PRC1: variants seen among roughly 807,000 people sequenced by gnomAD.
PRC1 encodes anaphase spindle elongation 1 homolog.
PRC1 carries 54 observed loss-of-function variants against 91.2 expected under a neutral mutation model. The observed-to-expected ratio is 0.59, with a 90% confidence interval of 0.48 to 0.74. The LOEUF is 0.74. Ranked by LOEUF, PRC1 falls within the 30% of genes least tolerant of loss-of-function variation. The pLI is 0.00. For missense variants in PRC1, 727 were observed against 746.2 expected (o/e 0.97, Z 0.30); for synonymous variants, 275 against 263.6 (o/e 1.04, Z -0.42).
chr15:90,980,726 G>A (rs921803293), intron 6 of PRC1, among the ~76,000 whole-genome samples, 158 bp downstream of exon 6: 2 of 151,840 alleles, frequency 1.3e-5, no homozygotes, highest in African/African-American at 2.4e-5. Context: ...GGCTGGTCTC[G>A]AACTCCTGAC....
In PRC1 at chr15:90,974,783, C is replaced by A; in HGVS notation, c.1204-52G>T. The A allele has an allele frequency of 6.3e-7, 1 of 1,598,874 alleles. No homozygotes were observed. The highest frequency in any genetic ancestry group is 8.6e-7 in the Non-Finnish European group (1 of 1,167,500). On this transcript the variant is annotated intron_variant, in intron 9 of 14. Transcript: ENST00000394249. The surrounding 1 kb of genome is among the most constrained non-coding windows in gnomAD (Gnocchi z 4.6). Reference sequence around the variant, plus strand: ...ATTACTTCAACTCTTTAGTGCAAAGCCCAAATGAAATGATTTCCCTAGAGA... The same window carrying A: ...ATTACTTCAACTCTTTAGTGCAAAGACCAAATGAAATGATTTCCCTAGAGA...
At position 90,982,183 on chromosome 15, in the gene PRC1, T is replaced by TC. The variant is rs1252831796; in HGVS notation, c.268-203_268-202insG. ...AAAGTGAGTAAGTACCAGGGTACTT[T>TC]TCCCCCCAATTTTAAAACTTGTGGT... On this transcript the variant is annotated intron_variant, in intron 3 of 14. Transcript: ENST00000394249. 77 of 591,314 alleles carry TC rather than the reference T, an allele frequency of 1.3e-4. No homozygotes were observed. The African/African-American group carries it at 1.4e-3, about 11-fold the overall frequency. The allele number at this position is 591,314 out of a possible 1,614,324, so 36.6% of individuals were successfully genotyped here. A position where few individuals can be genotyped will look rare whatever the true frequency, so the allele number is the denominator to read the frequency against.
chr15:90,974,345 C>T lies in PRC1; in HGVS notation c.1351-99G>A. The T allele has an allele frequency of 8.5e-7, 1 of 1,177,338 alleles. No individual in the cohort carries two copies. The highest frequency in any genetic ancestry group is 1.2e-6 in the Non-Finnish European group (1 of 809,824). The allele number at this position is 1,177,338 out of a possible 1,614,324, so 72.9% of individuals were successfully genotyped here. ...CCGGGAATCTAGGCCCGTGTCTCTA[C>T]AGCCAGAGCTAAAGAGCTGCCGCGG... On this transcript the variant is annotated intron_variant, in intron 10 of 14. Coordinates refer to ENST00000394249, the MANE Select transcript of PRC1 (RefSeq NM_003981.4). The surrounding 1 kb of genome is among the most constrained non-coding windows in gnomAD (Gnocchi z 4.6).
Position 90,984,654 on chromosome 15 carries a change from A to C in PRC1, c.144+39T>G. ...TCTCGGGTGAGACACCAACATCCTTACCCTGGTCCAATGCAGAGACCAGTA... is the reference window on the plus strand; with the variant it reads ...TCTCGGGTGAGACACCAACATCCTTCCCCTGGTCCAATGCAGAGACCAGTA... On this transcript the variant is annotated intron_variant, in intron 2 of 14. Transcript: ENST00000394249. The surrounding 1 kb of genome is among the most constrained non-coding windows in gnomAD (Gnocchi z 5.1). 6.2e-7 allele frequency: 1 copy of C among 1,611,500 alleles called. No individual in the cohort carries two copies. The highest frequency in any genetic ancestry group is 8.5e-7 in the Non-Finnish European group (1 of 1,178,416).
At chr15:90,975,999 G>A (rs1473085838) in intron 9 of PRC1, among the ~76,000 whole-genome samples, 2 of 152,082 alleles carry the variant, frequency 1.3e-5, no homozygotes, top group East Asian at 1.9e-4. Context: ...CTCTGCCAAC[G>A]ACATGTTGAT....
At position 90,966,765 on chromosome 15, in the gene PRC1, C is replaced by T. The variant is rs1336218224; in HGVS notation, c.*366G>A. On this transcript the variant is annotated 3_prime_UTR_variant, in exon 15 of 15. Coordinates refer to ENST00000394249, the MANE Select transcript of PRC1 (RefSeq NM_003981.4). ...AATTACTAGTTACAGGTATACATGCCAAAATTACCCCCAGGGATGGGCATA... is the reference window on the plus strand; with the variant it reads ...AATTACTAGTTACAGGTATACATGCTAAAATTACCCCCAGGGATGGGCATA... The T allele has an allele frequency of 2.3e-6, 1 of 427,622 alleles. No homozygotes were observed. Among genetic ancestry groups the T allele is most frequent in the South Asian group, 1.8e-5 (1 of 55,122 alleles). 26.5% of individuals were successfully genotyped at this position (427,622 alleles called of 1,614,324 possible). A position where few individuals can be genotyped will look rare whatever the true frequency, so the allele number is the denominator to read the frequency against.
At chr15:90,969,386 C>A (rs2037848770) in intron 13 of PRC1, 61 bp downstream of exon 13, 1 of 1,524,342 alleles carries the variant, frequency 6.6e-7, no homozygotes, top group Non-Finnish European at 8.9e-7. Context: ...TGGGAAGATA[C>A]CCACTCTGCC....
chr15:90,982,234 C>T, intron 3 of PRC1: 2 of 543,794 alleles, frequency 3.7e-6, no homozygotes, highest in Non-Finnish European at 6.5e-6. Flanking sequence ...TAAAATTTAC[C>T]ATCTTAACCA....
At chr15:90,988,375 C>T (rs1467407817) in intron 1 of PRC1, 1 of 152,202 alleles carries the variant, frequency 6.6e-6, no homozygotes, top group Non-Finnish European at 1.5e-5. Context: ...CTACCCCTGC[C>T]CAGCCAATCT....
chr15:90,980,597 C>A (rs2039115069), intron 6 of PRC1: 1 of 684,586 alleles, frequency 1.5e-6, no homozygotes, highest in Non-Finnish European at 2.3e-6. Flanking sequence ...TGGCTCACTG[C>A]AACCCTCCAC....
chr15:90,978,778 A>AAAAAAAAT (rs2038950397), intron 8 of PRC1, among the ~76,000 whole-genome samples: 4 of 149,382 alleles, frequency 2.7e-5, no homozygotes, highest in African/African-American at 9.8e-5. Flanking sequence ...AAAAAAAAAA[A>AAAAAAAAT]GTGCCATCAG....
At chr15:90,976,850 G>T in intron 8 of PRC1, 79 bp from the exon 9 acceptor site, 1 of 1,245,674 alleles carries the variant, frequency 8.0e-7, no homozygotes, top group Non-Finnish European at 1.2e-6. Context: ...CTTTGTTCTC[G>T]CCAGGCGTGG....
At position 90,966,445 on chromosome 15, in the gene PRC1, G is replaced by A. The variant is rs1315407570; in HGVS notation, c.*686C>T. On this transcript the variant is annotated 3_prime_UTR_variant, in exon 15 of 15. Coordinates refer to ENST00000394249, the MANE Select transcript of PRC1 (RefSeq NM_003981.4). ...AAGTAGGCACAGGAATGGGGGAGAT[G>A]AGAGCCAAGGGACAAACGCCGAGAA... The A allele has an allele frequency of 5.2e-6, 2 of 381,554 alleles. No individual in the cohort carries two copies. The highest frequency in any genetic ancestry group is 1.1e-5 in the Non-Finnish European group (2 of 185,896). 23.6% of individuals were successfully genotyped at this position (381,554 alleles called of 1,614,324 possible).
intron 14 of PRC1, chr15:90,968,423 G>T (rs1386448015): frequency 4.1e-6 from 4 of 985,410 alleles, no homozygotes; most frequent in Non-Finnish European, 4.8e-6. Context: ...CCCCTCAAGG[G>T]TGAGGAACAT....
At chr15:90,988,644 C>T (rs2039752435) in intron 1 of PRC1, 1 of 152,274 alleles carries the variant, frequency 6.6e-6, no homozygotes, top group Admixed American at 6.5e-5. Flanking sequence ...TGCCACCGCG[C>T]TTTGTACATT....
At chr15:90,980,095 C>T (rs2039058799) in intron 7 of PRC1, 147 bp downstream of exon 7, 3 of 898,080 alleles carry the variant, frequency 3.3e-6, no homozygotes, top group Non-Finnish European at 4.7e-6. Flanking sequence ...ACATGAAGAC[C>T]CCACTTTTGG....
Position 90,969,115 on chromosome 15 carries a change from A to C in PRC1, c.1755T>G (p.Asp585Glu). ...CAGTGGAACTGTCAGAGAGGGACGG[A>C]TCCTTCTAAGAACAAAGAATTAAGA... is the stretch of plus-strand genomic sequence containing the variant. ...VASTYSEFAK[D>E]PSLSDSSTVG... is the part of the protein sequence containing the mutation. The change falls in exon 14 of 15, where the codon GAT becomes GAG. Residue 585 changes from aspartate to glutamate, a missense_variant. By Grantham distance (45) the Asp-to-Glu change is conservative. Transcript: ENST00000394249. The C allele has an allele frequency of 1.2e-6, 2 of 1,613,294 alleles. No homozygotes were observed. Among genetic ancestry groups the C allele is most frequent in the Non-Finnish European group, 8.5e-7 (1 of 1,179,236 alleles).
intron 14 of PRC1, chr15:90,967,783 A>G (rs1049547891): frequency 1.1e-5 from 10 of 942,532 alleles, no homozygotes; most frequent in South Asian, 4.9e-5. Context: ...TATGTGCACA[A>G]TGAAATTGCC....
intron 11 of PRC1, among the ~76,000 whole-genome samples, chr15:90,973,347 C>T (rs540970650): frequency 5.5e-4 from 84 of 152,344 alleles, no homozygotes; most frequent in Admixed American, 1.6e-3. Flanking sequence ...CGGTAAAAGT[C>T]ATCTGCATTC....
Sources: gnomAD v4.1 joint callset for allele counts (sites outside exome capture counted in the v4.1 genomes callset) on GRCh38, gnomAD v4.1.1 for gene constraint, Gnocchi (gnomAD v3.1) non-coding constraint, MANE v1.5 for transcripts, NCBI Gene and HGNC (gene_info 2026-07-23, HGNC 2026-07-21) for gene names.